The following UBE3D variants were observed in gnomAD, a reference collection of about 807,000 sequenced individuals.
The protein encoded by UBE3D is ubiquitin protein ligase E3D.
In UBE3D, 48 loss-of-function variants were observed where a neutral mutation model predicts 49.6. The observed-to-expected ratio is 0.97, with a 90% CI of 0.77 to 1.23. UBE3D has a LOEUF of 1.23. Ranked by LOEUF, UBE3D falls within the 50% of genes most tolerant of loss-of-function variation. The probability of loss-of-function intolerance (pLI) is 0.00; values close to 1 mark genes in which losing one functional copy is unlikely to be tolerated. For synonymous variants in UBE3D, 189 were observed against 174.2 expected, an observed-to-expected ratio of 1.08 and a Z score of -0.67; for missense variants, 452 against 468.4, an observed-to-expected ratio of 0.96 and a Z score of 0.32.
intron 8 of UBE3D, among the ~76,000 whole-genome samples, chr6:82,972,350 C>T (rs1777414748): frequency 6.6e-6 from 1 of 152,168 alleles, no homozygotes; most frequent in African/African-American, 2.4e-5. Flanking sequence ...AATTTCATAA[C>T]CCTAAGTCAT....
At chr6:83,042,258 G>A (rs2127815302) in intron 4 of UBE3D, among the ~76,000 whole-genome samples, 1 of 152,228 alleles carries the variant, frequency 6.6e-6, no homozygotes, top group South Asian at 2.1e-4. Flanking sequence ...GCACAAGAGA[G>A]GTGATAAATG....
At chr6:82,888,402 A>T (rs1770927530), downstream of UBE3D, among the ~76,000 whole-genome samples, 1 of 151,994 alleles carries the variant, frequency 6.6e-6, no homozygotes, top group South Asian at 2.1e-4. Flanking sequence ...CTTTTTTCTA[A>T]AATAAGTAAT....
intron 9 of UBE3D, among the ~76,000 whole-genome samples, chr6:82,917,234 G>A (rs1264907819): frequency 2.0e-5 from 3 of 152,150 alleles, no homozygotes; most frequent in Non-Finnish European, 1.5e-5. Flanking sequence ...GGGAAGAAAG[G>A]AGAAAGGAAG....
chr6:82,961,459 C>G (rs1270964739), intron 8 of UBE3D, among the ~76,000 whole-genome samples: 1 of 152,130 alleles, frequency 6.6e-6, no homozygotes, highest in Non-Finnish European at 1.5e-5. Flanking sequence ...AAATAGGAAA[C>G]CAAAGGCAGA....
intron 9 of UBE3D, among the ~76,000 whole-genome samples, chr6:82,911,742 T>A (rs1772542742): frequency 6.6e-6 from 1 of 151,780 alleles, no homozygotes. Context: ...GGTGAGGGGG[T>A]AGAAAAAGGG....
intron 9 of UBE3D, among the ~76,000 whole-genome samples, chr6:82,897,313 A>G: frequency 6.6e-6 from 1 of 152,084 alleles, no homozygotes; most frequent in Non-Finnish European, 1.5e-5. Flanking sequence ...TTTCTTGGCC[A>G]GGCGCGGTGG....
chr6:82,963,190 CTTTTTTTTTTT>C (rs5877828), intron 8 of UBE3D, among the ~76,000 whole-genome samples: 1 of 123,108 alleles, frequency 8.1e-6, no homozygotes. Context: ...AAGTTTTCAT[CTTTTTTTTTTT>C]TTTTTTTTGG....
the UBE3D span, among the ~76,000 whole-genome samples, chr6:82,882,684 A>T: frequency 6.6e-6 from 1 of 152,234 alleles, no homozygotes; most frequent in African/African-American, 2.4e-5. Flanking sequence ...TTTTTAAGTT[A>T]TCTGAAACAG....
At chr6:82,981,678 G>A (rs1056451283) in intron 8 of UBE3D, among the ~76,000 whole-genome samples, 7 of 151,932 alleles carry the variant, frequency 4.6e-5, no homozygotes, top group Non-Finnish European at 7.4e-5. Flanking sequence ...CCTACTTGAC[G>A]TTTACAACAT....
At chr6:83,022,099 T>C (rs189838292) in intron 7 of UBE3D, among the ~76,000 whole-genome samples, 1 of 152,216 alleles carries the variant, frequency 6.6e-6, no homozygotes, top group African/African-American at 2.4e-5. Flanking sequence ...CCATCTTGGC[T>C]CAATGCAACC....
At chr6:82,978,850 A>C (rs1219334040) in intron 8 of UBE3D, among the ~76,000 whole-genome samples, 1 of 152,170 alleles carries the variant, frequency 6.6e-6, no homozygotes, top group Admixed American at 6.5e-5. Flanking sequence ...GGATGCAAAA[A>C]CATATTTTGT....
chr6:82,934,376 T>C (rs12200420), intron 9 of UBE3D, among the ~76,000 whole-genome samples: 20,810 of 152,282 alleles, frequency 0.14, 1,456 homozygotes, highest in South Asian at 0.16. Flanking sequence ...CTTTTTACTT[T>C]GTTCTGTTAT....
At chr6:83,036,196 G>C (rs912429540) in intron 5 of UBE3D, 2 of 151,702 alleles carry the variant, frequency 1.3e-5, no homozygotes, top group South Asian at 4.2e-4. Flanking sequence ...GCTAATTTTT[G>C]TATTTTTGGT....
chr6:83,059,429 G>C (rs898270224), intron 1 of UBE3D, among the ~76,000 whole-genome samples: 1 of 152,152 alleles, frequency 6.6e-6, no homozygotes. Flanking sequence ...TAGCTCACAG[G>C]CTGTACCAAA....
chr6:83,058,296 A>G (rs1219997045), intron 1 of UBE3D, among the ~76,000 whole-genome samples: 5 of 152,240 alleles, frequency 3.3e-5, no homozygotes, highest in African/African-American at 1.2e-4. Context: ...ATAATGTTTT[A>G]TAGTAAATCA....
intron 9 of UBE3D, 95 bp downstream of exon 9, chr6:82,957,217 T>C (rs293531): frequency 0.71 from 907,590 of 1,272,034 alleles, 326,372 homozygotes; most frequent in East Asian, 0.83. Context: ...AACTAGGGAA[T>C]TCCACGGGCT....
At chr6:83,040,625 C>CTGGT (rs1782607392) in intron 4 of UBE3D, among the ~76,000 whole-genome samples, 1 of 152,076 alleles carries the variant, frequency 6.6e-6, no homozygotes, top group Admixed American at 6.5e-5. Context: ...CCATTTTTTC[C>CTGGT]TGGTCTAGCT....
At chr6:82,993,119 G>GGGGAGA (rs1021827371) in intron 8 of UBE3D, among the ~76,000 whole-genome samples, 7 of 151,874 alleles carry the variant, frequency 4.6e-5, no homozygotes, top group Non-Finnish European at 7.4e-5. Flanking sequence ...CGGGGTCGGG[G>GGGGAGA]GGGAGAGAGA....
At chr6:82,936,654 T>C (rs1562099650) in intron 9 of UBE3D, among the ~76,000 whole-genome samples, 1 of 152,200 alleles carries the variant, frequency 6.6e-6, no homozygotes, top group Admixed American at 6.5e-5. Flanking sequence ...AATCACACTG[T>C]CTTAAATTTC....
Sources: gnomAD v4.1 joint callset for allele counts (sites outside exome capture counted in the v4.1 genomes callset) on GRCh38, gnomAD v4.1.1 for gene constraint, MANE v1.5 for transcripts, NCBI Gene and HGNC (gene_info 2026-07-23, HGNC 2026-07-21) for gene names.